Variants in PLD3 observed in about 807,000 individuals in gnomAD.
PLD3 encodes 5'-3' exonuclease PLD3.
In PLD3, 31 loss-of-function variants were observed where a neutral mutation model predicts 58.4. That is an observed-to-expected ratio of 0.53 (90% CI 0.40 to 0.72). PLD3 has a LOEUF of 0.72. Ranked by LOEUF, PLD3 falls within the 30% of genes least tolerant of loss-of-function variation. PLD3 has a pLI of 0.00. For synonymous variants in PLD3, 264 were observed against 273.4 expected, an observed-to-expected ratio of 0.97 and a Z score of 0.34; for missense variants, 595 against 659.8, an observed-to-expected ratio of 0.90 and a Z score of 1.08.
intron 1 of PLD3, among the ~76,000 whole-genome samples, chr19:40,361,994 G>A (rs991044736): frequency 6.6e-6 from 1 of 151,726 alleles, no homozygotes; most frequent in African/African-American, 2.4e-5. Flanking sequence ...CCTCCAACAC[G>A]CCCGGCTAAT....
chr19:40,362,320 TCAAA>T (rs2078807444), intron 1 of PLD3, among the ~76,000 whole-genome samples: 2 of 152,226 alleles, frequency 1.3e-5, no homozygotes, highest in African/African-American at 2.4e-5. Flanking sequence ...TTCTCCAAGG[TCAAA>T]CAGTCACTAA....
intron 6 of PLD3, 139 bp from the exon 7 acceptor site, chr19:40,369,769 G>A: frequency 2.7e-6 from 2 of 730,218 alleles, no homozygotes; most frequent in African/African-American, 1.7e-5. Context: ...ATTTTAATCT[G>A]TAAAGTCTTT....
At chr19:40,363,710 C>T (rs370964793) in intron 1 of PLD3, among the ~76,000 whole-genome samples, 1 of 152,114 alleles carries the variant, frequency 6.6e-6, no homozygotes, top group African/African-American at 2.4e-5. Context: ...GGATTACAGG[C>T]GTGAGCCACC....
At chr19:40,363,344 GTT>G (rs2078833522) in intron 1 of PLD3, among the ~76,000 whole-genome samples, 1 of 152,004 alleles carries the variant, frequency 6.6e-6, no homozygotes, top group African/African-American at 2.4e-5. Flanking sequence ...TAAGACTGAT[GTT>G]ATCTTCTGCT....
intron 9 of PLD3, among the ~76,000 whole-genome samples, chr19:40,373,031 A>G (rs925530857): frequency 5.9e-5 from 9 of 152,190 alleles, no homozygotes; most frequent in African/African-American, 9.7e-5. Flanking sequence ...CACTCTGGAC[A>G]AGGCACTGAT....
intron 11 of PLD3, among the ~76,000 whole-genome samples, chr19:40,377,545 C>T (rs185160957): frequency 8.5e-5 from 13 of 152,114 alleles, no homozygotes; most frequent in Admixed American, 8.5e-4. Flanking sequence ...GAGATGAGAC[C>T]TCAGGAATGA....
At chr19:40,368,837 A>C (rs1463788847) in intron 6 of PLD3, among the ~76,000 whole-genome samples, 2 of 152,112 alleles carry the variant, frequency 1.3e-5, no homozygotes, top group African/African-American at 4.8e-5. Flanking sequence ...AAGGAGGAGG[A>C]TGGCTTGAGC....
intron 1 of PLD3, among the ~76,000 whole-genome samples, chr19:40,350,970 G>A (rs189478229): frequency 5.9e-5 from 9 of 152,222 alleles, no homozygotes. Flanking sequence ...GGGCACGGTG[G>A]CTCACGCCTG....
At chr19:40,367,542 C>A in intron 5 of PLD3, 154 bp from the exon 6 acceptor site, 1 of 607,590 alleles carries the variant, frequency 1.6e-6, no homozygotes, top group Non-Finnish European at 2.8e-6. Context: ...GATGGCGCCA[C>A]TGCGCTTCCA....
At position 40,364,247 on chromosome 19, in the gene PLD3, G is replaced by C. The variant is rs189355685; in HGVS notation, c.-278-1471G>C. On this transcript the variant is annotated intron_variant, in intron 1 of 12. Coordinates refer to ENST00000409735, the MANE Select transcript of PLD3 (RefSeq NM_012268.4). Reference sequence around the variant, plus strand: ...CAGGCGCCTGTAATCCCAGCTACTCGGGAGGCTGAGGCAGGAGAATCGCTT... The same window carrying C: ...CAGGCGCCTGTAATCCCAGCTACTCCGGAGGCTGAGGCAGGAGAATCGCTT... Among the ~76,000 whole-genome samples the C allele has an allele frequency of 3.6e-3, 543 of 152,092 alleles. 2 individuals are homozygous for C. The highest frequency in any genetic ancestry group is 0.012 in the African/African-American group (504 of 41,500).
intron 6 of PLD3, 38 bp from the exon 7 acceptor site, chr19:40,369,870 G>C: frequency 2.0e-6 from 3 of 1,517,780 alleles, no homozygotes; most frequent in Non-Finnish European, 1.8e-6. Flanking sequence ...TGGAGAGCTG[G>C]CTGGTCCAGC....
At chr19:40,376,924 G>A in intron 11 of PLD3, 150 bp downstream of exon 11, 1 of 763,000 alleles carries the variant, frequency 1.3e-6, no homozygotes, top group South Asian at 1.9e-5. Context: ...GGGTCATGGG[G>A]CACAGGGAGA....
intron 8 of PLD3, chr19:40,370,510 CA>C (rs796986798): frequency 0.078 from 16,382 of 208,924 alleles, no homozygotes; most frequent in South Asian, 0.16. Flanking sequence ...CCATCTCTAC[CA>C]AAAAAAAAAA....
Position 40,374,626 on chromosome 19 carries a change from G to A in PLD3, c.1019+6G>A. 1.2e-6 allele frequency: 2 copies of A among 1,613,866 alleles called. No homozygotes were observed. The highest frequency in any genetic ancestry group is 2.2e-5 in the East Asian group (1 of 44,884). ...GAGTTCTCCCACCCTCACAGGTACT[G>A]CTGGGTGTGGAGATAGGGAGCCGCT... On this transcript the variant is annotated splice_donor_region_variant and intron_variant, in intron 10 of 12. Coordinates refer to ENST00000409735, the MANE Select transcript of PLD3 (RefSeq NM_012268.4).
At chr19:40,362,982 CT>C (rs1383618209) in intron 1 of PLD3, among the ~76,000 whole-genome samples, 1 of 151,966 alleles carries the variant, frequency 6.6e-6, no homozygotes, top group African/African-American at 2.4e-5. Flanking sequence ...CAAGGCTAGT[CT>C]GGAACTCCTG....
chr19:40,366,683 A>C lies in PLD3; in HGVS notation c.101A>C (p.Lys34Thr). The change falls in exon 4 of 13, where the codon AAG becomes ACG. Residue 34 changes from lysine to threonine, a missense_variant and splice_region_variant. By Grantham distance (78) the Lys-to-Thr change is moderately conservative (BLOSUM62 -1). Coordinates refer to ENST00000409735, the MANE Select transcript of PLD3 (RefSeq NM_012268.4). ...ATTGAGGCGTGGAAGGCTGCGGAAA[A>C]GGTAGGAGCCCTCCGCCACCCTCGC... ...NEIEAWKAAE[K>T]KARWVLLVLI... 6.2e-7 allele frequency: 1 copy of C among 1,607,000 alleles called. No individual in the cohort carries two copies. Among genetic ancestry groups the C allele is most frequent in the South Asian group, 1.1e-5 (1 of 90,680 alleles).
intron 1 of PLD3, among the ~76,000 whole-genome samples, chr19:40,354,617 C>G (rs997908871): frequency 1.3e-5 from 2 of 152,016 alleles, no homozygotes; most frequent in African/African-American, 2.4e-5. Context: ...CCTCTGCCTC[C>G]CGGGTTCCAG....
chr19:40,349,191 C>A (rs772267141), intron 1 of PLD3, among the ~76,000 whole-genome samples: 18 of 152,036 alleles, frequency 1.2e-4, no homozygotes, highest in Non-Finnish European at 1.9e-4. Context: ...TCTCTTTAAA[C>A]CCTCATCATA....
In PLD3 at chr19:40,370,021, G is replaced by A. The variant is rs2079027481; in HGVS notation, c.543G>A (p.Leu181=). Residue 181 remains leucine (L), a synonymous_variant, in exon 7 of 13, where the codon CTG becomes CTA. Transcript: ENST00000409735. ...PQPQADLQAL[L]QSGAQVRMVD... Reference sequence around the variant, plus strand: ...CACAGGCGGACCTGCAGGCTCTGCTGCAGAGCGGTGAGCTGGGGCCCAACT... The same window carrying A: ...CACAGGCGGACCTGCAGGCTCTGCTACAGAGCGGTGAGCTGGGGCCCAACT... 3.2e-6 allele frequency: 5 copies of A among 1,563,060 alleles called. No individual in the cohort carries two copies. The highest frequency in any genetic ancestry group is 2.7e-5 in the African/African-American group (2 of 73,766).
Sources: gnomAD v4.1 joint callset for allele counts (sites outside exome capture counted in the v4.1 genomes callset) on GRCh38, gnomAD v4.1.1 for gene constraint, MANE v1.5 for transcripts, NCBI Gene and HGNC (gene_info 2026-07-23, HGNC 2026-07-21) for gene names.